The following ATP5MC1 variants were observed in gnomAD, a reference collection of about 807,000 sequenced individuals.
ATP5MC1 encodes ATP synthase F(0) complex subunit C1, mitochondrial.
ATP5MC1 carries 4 observed loss-of-function variants against 12.1 expected under a neutral mutation model. The ratio of observed to expected loss-of-function variants is 0.33; its 90% CI spans 0.16 to 0.76. The LOEUF (loss-of-function observed/expected upper bound fraction) is 0.76, where lower values mean the gene tolerates loss of function less well. Ranked by LOEUF, ATP5MC1 falls within the 30% of genes least tolerant of loss-of-function variation. ATP5MC1 has a pLI of 0.61. For synonymous variants in ATP5MC1, 52 were observed against 66.0 expected (o/e 0.79, Z 1.03); for missense variants, 117 against 172.1 (o/e 0.68, Z 1.79).
At chr17:48,893,101 C>T in intron 1 of ATP5MC1, 191 bp downstream of exon 1, 1 of 412,758 alleles carries the variant, frequency 2.4e-6, no homozygotes, top group Non-Finnish European at 4.4e-6. Flanking sequence ...GTAAGATGGG[C>T]AGGATCCTGC....
chr17:48,894,612 A>T, intron 3 of ATP5MC1, 163 bp downstream of exon 3: 1 of 655,686 alleles, frequency 1.5e-6, no homozygotes. Context: ...TACAAAAAAA[A>T]TAAAAAAATT....
Position 48,894,249 on chromosome 17 carries a change from A to G in ATP5MC1, c.40-123A>G, listed in dbSNP as rs2040552940. ...GCCTATCTGATAGGAACAGGAATAA[A>G]TTGACCTTGAAATACATTGAACTTA... On this transcript the variant is annotated intron_variant, in intron 2 of 4. Transcript: ENST00000393366. The G allele has an allele frequency of 7.4e-6, 7 of 945,864 alleles. No individual in the cohort carries two copies. The South Asian group carries it at 1.0e-4, about 14-fold the overall frequency. The allele number at this position is 945,864 out of a possible 1,614,324, so 58.6% of individuals were successfully genotyped here.
rs369828692 is a variant in ATP5MC1 at position 48,894,356 on chromosome 17, C to T, written c.40-16C>T. The T allele has an allele frequency of 6.8e-6, 11 of 1,613,204 alleles. No individual in the cohort carries two copies. The highest frequency in any genetic ancestry group is 7.6e-6 in the Non-Finnish European group (9 of 1,179,636). ...CCTTGACTGATTTGGTAGGATGTGG[C>T]TTTCTGATTTTACAGATCCGCTGTT... On this transcript the variant is annotated splice_polypyrimidine_tract_variant and intron_variant, in intron 2 of 4. Coordinates refer to ENST00000393366, the MANE Select transcript of ATP5MC1 (RefSeq NM_005175.3).
rs2040553771 is a variant in ATP5MC1 at position 48,894,368 on chromosome 17, A to AC, written c.40-3dup. On this transcript the variant is annotated splice_polypyrimidine_tract_variant and splice_region_variant and intron_variant, in intron 2 of 4. Transcript: ENST00000393366. ...TGGTAGGATGTGGCTTTCTGATTTT[A>AC]CAGATCCGCTGTTGTACCAGGGGTC... 1 of 1,613,658 alleles carries AC rather than the reference A, an allele frequency of 6.2e-7. No homozygotes were observed. Among genetic ancestry groups the AC allele is most frequent in the South Asian group, 1.1e-5 (1 of 91,018 alleles).
At chr17:48,895,578 C>T in intron 4 of ATP5MC1, 77 bp from the exon 5 acceptor site, 1 of 1,389,174 alleles carries the variant, frequency 7.2e-7, no homozygotes, top group Non-Finnish European at 1.0e-6. Flanking sequence ...AGTCCCCATT[C>T]ACCTCACCCT....
At chr17:48,895,395 C>T (rs2040563718) in intron 4 of ATP5MC1, 61 bp downstream of exon 4, 15 of 1,530,726 alleles carry the variant, frequency 9.8e-6, no homozygotes, top group African/African-American at 1.4e-5. Context: ...GGGGAAGCCT[C>T]AGCTGGAGGA....
intron 2 of ATP5MC1, 170 bp from the exon 3 acceptor site, chr17:48,894,202 G>A: frequency 1.6e-6 from 1 of 640,070 alleles, no homozygotes; most frequent in Non-Finnish European, 2.8e-6. Context: ...TCAAGCTATT[G>A]AGACAGCTGT....
chr17:48,893,499 G>A (rs375433925), intron 2 of ATP5MC1, 43 bp downstream of exon 2: 1 of 1,608,356 alleles, frequency 6.2e-7, no homozygotes, highest in Non-Finnish European at 8.5e-7. Flanking sequence ...CAGGTGTATG[G>A]TGTGGACGCC....
In ATP5MC1 at chr17:48,895,773, T is replaced by C. The variant is rs2040567351; in HGVS notation, c.*4T>C. On this transcript the variant is annotated 3_prime_UTR_variant, in exon 5 of 5. Coordinates refer to ENST00000393366, the MANE Select transcript of ATP5MC1 (RefSeq NM_005175.3). ...CCTCATCCTCTTCGCCATGTGAGGC[T>C]CCATGGGGGGGTCACCGGCCTGTTG... The C allele has an allele frequency of 6.8e-7, 1 of 1,463,538 alleles. No homozygotes were observed. The highest frequency in any genetic ancestry group is 1.2e-5 in the South Asian group (1 of 86,198). The allele number at this position is 1,463,538 out of a possible 1,614,324, so 90.7% of individuals were successfully genotyped here.
Position 48,894,534 on chromosome 17 carries a change from G to A in ATP5MC1, c.117+85G>A, listed in dbSNP as rs376838473. ...TGTAATCCCAGCTCTTTGAGAGGCT[G>A]AGGCGAGAGGATCACTTGAGCCCAG... On this transcript the variant is annotated intron_variant, in intron 3 of 4. Coordinates refer to ENST00000393366, the MANE Select transcript of ATP5MC1 (RefSeq NM_005175.3). 24 of 1,353,912 alleles carry A rather than the reference G, an allele frequency of 1.8e-5. No homozygotes were observed. In the African/African-American group the frequency reaches 2.2e-4, roughly 12 times the overall value. 83.9% of individuals were successfully genotyped at this position (1,353,912 alleles called of 1,614,324 possible).
rs2040567656 is a variant in ATP5MC1 at position 48,895,779 on chromosome 17, G to A, written c.*10G>A. On this transcript the variant is annotated 3_prime_UTR_variant, in exon 5 of 5. Transcript: ENST00000393366. ...CCTCTTCGCCATGTGAGGCTCCATG[G>A]GGGGGTCACCGGCCTGTTGCTACTG... 6.9e-7 allele frequency: 1 copy of A among 1,453,034 alleles called. No homozygotes were observed. 90.0% of individuals were successfully genotyped at this position (1,453,034 alleles called of 1,614,324 possible). A position where few individuals can be genotyped will look rare whatever the true frequency, so the allele number is the denominator to read the frequency against.
chr17:48,895,674 C>A lies in ATP5MC1; in HGVS notation c.316C>A (p.Gln106Lys). ...GYARNPSLKQ[Q>K]LFSYAILGFA... Reference sequence around the variant, plus strand: ...TCCCAGGAACCCGTCTCTCAAGCAGCAGCTCTTCTCCTATGCCATTCTTGG... The same window carrying A: ...TCCCAGGAACCCGTCTCTCAAGCAGAAGCTCTTCTCCTATGCCATTCTTGG... Residue 106 changes from glutamine to lysine, a missense_variant, in exon 5 of 5, where the codon CAG (glutamine) becomes AAG (lysine). Transcript: ENST00000393366. 1 of 1,613,944 alleles carries A rather than the reference C, an allele frequency of 6.2e-7. No homozygotes were observed. The highest frequency in any genetic ancestry group is 2.2e-5 in the East Asian group (1 of 44,870).
At chr17:48,892,939 G>T in intron 1 of ATP5MC1, 29 bp downstream of exon 1, 1 of 158,202 alleles carries the variant, frequency 6.3e-6, no homozygotes, top group Non-Finnish European at 1.4e-5. Flanking sequence ...CCAGCAATAG[G>T]CAGGGTTGTG....
chr17:48,893,736 C>T (rs892431434), intron 2 of ATP5MC1: 4 of 517,692 alleles, frequency 7.7e-6, no homozygotes, highest in East Asian at 3.2e-5. Context: ...AGTGGCTGCA[C>T]GTTAGAATCA....
chr17:48,893,347 A>C, intron 1 of ATP5MC1, 62 bp from the exon 2 acceptor site: 1 of 1,573,734 alleles, frequency 6.4e-7, no homozygotes, highest in Non-Finnish European at 8.7e-7. Flanking sequence ...AAAGGTCGTC[A>C]TTATAAGCAA....
chr17:48,894,272 T>G, intron 2 of ATP5MC1, 100 bp from the exon 3 acceptor site: 1 of 1,151,890 alleles, frequency 8.7e-7, no homozygotes, highest in South Asian at 1.3e-5. Flanking sequence ...TACATTGAAC[T>G]TATTCTGTTT....
rs745870785 is a variant in ATP5MC1 at position 48,895,339 on chromosome 17, GT to G, written c.296+8del. On this transcript the variant is annotated splice_donor_region_variant and intron_variant, in intron 4 of 4. Transcript: ENST00000393366. The stretch of plus-strand genomic sequence containing the variant: ...CTTGATCATTGGCTATGCCAGGTAA[GT>G]TTGGGTGGTCTACAGCATCTCCCAC... 1 of 1,582,064 alleles carries G rather than the reference GT, an allele frequency of 6.3e-7. No individual in the cohort carries two copies. Among genetic ancestry groups the G allele is most frequent in the Non-Finnish European group, 8.6e-7 (1 of 1,157,252 alleles).
intron 2 of ATP5MC1, 117 bp from the exon 3 acceptor site, chr17:48,894,255 C>A: frequency 2.0e-6 from 2 of 1,007,622 alleles, no homozygotes; most frequent in South Asian, 1.4e-5. Context: ...ATAAATTGAC[C>A]TTGAAATACA....
chr17:48,894,852 G>A (rs1161548344), intron 3 of ATP5MC1: 1 of 561,354 alleles, frequency 1.8e-6, no homozygotes, highest in Non-Finnish European at 3.4e-6. Context: ...AAAGTGGGAG[G>A]AGAGTTGGAG....
Sources: gnomAD v4.1 joint callset for allele counts on GRCh38, gnomAD v4.1.1 for gene constraint, MANE v1.5 for transcripts, NCBI Gene and HGNC (gene_info 2026-07-23, HGNC 2026-07-21) for gene names.